DAGLA: variants seen among roughly 807,000 people sequenced by gnomAD.
The protein encoded by DAGLA is diacylglycerol lipase alpha.
DAGLA carries 22 observed loss-of-function variants against 102.6 expected under a neutral mutation model. That is an observed-to-expected ratio of 0.21 (90% CI 0.15 to 0.31). DAGLA has a LOEUF of 0.31. DAGLA is among the 10% of genes least tolerant of loss of function. The probability of loss-of-function intolerance (pLI) is 1.00; values close to 1 mark genes in which losing one functional copy is unlikely to be tolerated. For synonymous variants in DAGLA, 578 were observed against 628.9 expected, an observed-to-expected ratio of 0.92 and a Z score of 1.21; for missense variants, 927 against 1,446.6, an observed-to-expected ratio of 0.64 and a Z score of 5.83.
intron 1 of DAGLA, among the ~76,000 whole-genome samples, chr11:61,704,067 A>C (rs1048957702): frequency 1.3e-5 from 2 of 151,300 alleles, no homozygotes; most frequent in Non-Finnish European, 2.9e-5. Context: ...ATGGGGCAGG[A>C]TTCTGAGTGG....
intron 2 of DAGLA, 28 bp downstream of exon 2, chr11:61,720,278 C>T (rs1481514324): frequency 6.2e-7 from 1 of 1,605,938 alleles, no homozygotes; most frequent in East Asian, 2.2e-5. Flanking sequence ...GGGCCACAGG[C>T]CTGGGTTTGG....
intron 1 of DAGLA, among the ~76,000 whole-genome samples, chr11:61,709,951 C>T (rs1165336512): frequency 1.3e-5 from 2 of 152,170 alleles, no homozygotes; most frequent in African/African-American, 2.4e-5. Flanking sequence ...CCCACACCAG[C>T]CAGACCCCGA....
chr11:61,739,602 A>G lies in DAGLA; in HGVS notation c.1794A>G (p.Pro598=), dbSNP rs773577012. Residue 598 remains proline (P), a synonymous_variant, in exon 17 of 20, where the codon CCA becomes CCG. Transcript: ENST00000257215. ...DLTIALSAST[P]LYPPGRIIHV... is the part of the protein sequence containing the mutation. The stretch of plus-strand genomic sequence containing the variant: ...CTATAGCCCTCTCAGCCAGCACTCC[A>G]CTCTACCCGCCCGGCCGCATCATCC... The G allele has an allele frequency of 3.0e-5, 48 of 1,613,496 alleles. No homozygotes were observed. The African/African-American group carries it at 5.0e-4, about 17-fold the overall frequency.
intron 1 of DAGLA, among the ~76,000 whole-genome samples, chr11:61,702,823 C>T (rs2065119559): frequency 6.6e-6 from 1 of 152,212 alleles, no homozygotes; most frequent in Non-Finnish European, 1.5e-5. Context: ...CTAGGGAGCC[C>T]TCCAGTAGCA....
At chr11:61,730,481 T>G (rs867763881) in intron 8 of DAGLA, among the ~76,000 whole-genome samples, 22 of 149,780 alleles carry the variant, frequency 1.5e-4, no homozygotes, top group African/African-American at 5.6e-4. Flanking sequence ...CTGATCAAGG[T>G]GCCACCTATT....
chr11:61,716,625 C>T (rs1052156612), intron 1 of DAGLA, among the ~76,000 whole-genome samples: 3 of 152,094 alleles, frequency 2.0e-5, no homozygotes, highest in African/African-American at 7.2e-5. Context: ...TAAGGGAATG[C>T]GTGGATTCAG....
At chr11:61,742,279 A>G (rs151080602) in intron 19 of DAGLA, among the ~76,000 whole-genome samples, 178 of 152,182 alleles carry the variant, frequency 1.2e-3, no homozygotes, top group African/African-American at 3.9e-3. Context: ...TGCTATTCAC[A>G]CACTCTTTGA....
At chr11:61,710,282 G>A (rs2065183557) in intron 1 of DAGLA, among the ~76,000 whole-genome samples, 1 of 151,768 alleles carries the variant, frequency 6.6e-6, no homozygotes. Context: ...CTAGGAGAGG[G>A]GGTGACTCTG....
At chr11:61,685,574 G>A (rs2064980695) in intron 1 of DAGLA, among the ~76,000 whole-genome samples, 1 of 152,210 alleles carries the variant, frequency 6.6e-6, no homozygotes, top group African/African-American at 2.4e-5. Context: ...AGGGCATGCA[G>A]ATGAGGTGGT....
At chr11:61,709,793 G>A (rs930759895) in intron 1 of DAGLA, among the ~76,000 whole-genome samples, 2 of 152,140 alleles carry the variant, frequency 1.3e-5, no homozygotes, top group Admixed American at 1.3e-4. Context: ...CTCCTGTTAC[G>A]AAGTCACTTG....
intron 6 of DAGLA, 96 bp from the exon 7 acceptor site, chr11:61,728,057 C>T (rs1280621069): frequency 8.3e-6 from 12 of 1,445,248 alleles, no homozygotes; most frequent in African/African-American, 2.8e-5. Flanking sequence ...CAGACACCTG[C>T]TTCTGCAGCC....
chr11:61,687,590 C>T (rs2064995775), intron 1 of DAGLA, among the ~76,000 whole-genome samples: 1 of 152,182 alleles, frequency 6.6e-6, no homozygotes, highest in African/African-American at 2.4e-5. Context: ...CGCTCGGCCT[C>T]CCAAAGTGTT....
intron 1 of DAGLA, among the ~76,000 whole-genome samples, chr11:61,701,672 C>G (rs2065111089): frequency 6.6e-6 from 1 of 152,228 alleles, no homozygotes; most frequent in Non-Finnish European, 1.5e-5. Flanking sequence ...AGTTCTGTGT[C>G]ACAGGGAAGG....
intron 4 of DAGLA, among the ~76,000 whole-genome samples, 169 bp from the exon 5 acceptor site, chr11:61,723,265 G>T (rs542348606): frequency 6.6e-6 from 1 of 152,326 alleles, no homozygotes; most frequent in South Asian, 2.1e-4. Context: ...GTGGGCAATA[G>T]GGTGGCCACG....
chr11:61,710,157 C>T (rs776359857), intron 1 of DAGLA, among the ~76,000 whole-genome samples: 11 of 152,124 alleles, frequency 7.2e-5, no homozygotes, highest in Admixed American at 2.0e-4. Flanking sequence ...AGCACCCAGA[C>T]GGAGTCTCCT....
At position 61,725,863 on chromosome 11, in the gene DAGLA, C is replaced by A. The variant is rs1259527634; in HGVS notation, c.549-132C>A. On this transcript the variant is annotated intron_variant, in intron 5 of 19. Coordinates refer to ENST00000257215, the MANE Select transcript of DAGLA (RefSeq NM_006133.3). Reference sequence around the variant, plus strand: ...TCTGGCAGGGCCTGGGCCCTGTTCTCCCCCAGAACCCACTGCGGGAACCCT... The same window carrying A: ...TCTGGCAGGGCCTGGGCCCTGTTCTACCCCAGAACCCACTGCGGGAACCCT... 23 of 821,318 alleles carry A rather than the reference C, an allele frequency of 2.8e-5. No individual in the cohort carries two copies. In the East Asian group the frequency reaches 5.6e-4, roughly 20 times the overall value. 50.9% of individuals were successfully genotyped at this position (821,318 alleles called of 1,614,324 possible).
intron 1 of DAGLA, among the ~76,000 whole-genome samples, chr11:61,687,364 G>A (rs1390118254): frequency 2.0e-5 from 3 of 151,456 alleles, no homozygotes; most frequent in South Asian, 2.1e-4. Context: ...ACGGAGTCTC[G>A]CTCTGTCACT....
intron 10 of DAGLA, 145 bp downstream of exon 10, chr11:61,735,147 AC>A: frequency 1.0e-6 from 1 of 955,280 alleles, no homozygotes; most frequent in Non-Finnish European, 1.6e-6. Context: ...AGCTGGGCAG[AC>A]CAGAGGTGGC....
chr11:61,738,256 T>G, intron 16 of DAGLA, 49 bp downstream of exon 16: 1 of 1,494,098 alleles, frequency 6.7e-7, no homozygotes, highest in Non-Finnish European at 9.2e-7. Flanking sequence ...CATCTGTCCC[T>G]GCCCTTGACC....
Sources: gnomAD v4.1 joint callset for allele counts (sites outside exome capture counted in the v4.1 genomes callset) on GRCh38, gnomAD v4.1.1 for gene constraint, MANE v1.5 for transcripts, NCBI Gene and HGNC (gene_info 2026-07-23, HGNC 2026-07-21) for gene names.